The following RNF212B variants were observed in gnomAD, a reference collection of about 807,000 sequenced individuals.
RNF212B encodes E3 ubiquitin-protein ligase RNF212B.
In RNF212B, 52 loss-of-function variants were observed where a neutral mutation model predicts 55.5. The ratio of observed to expected loss-of-function variants is 0.94; its 90% CI spans 0.75 to 1.18. The LOEUF is 1.18. Among genes scored for constraint, RNF212B ranks in the 50% most tolerant of loss-of-function variants. RNF212B has a pLI of 0.00. For missense variants in RNF212B, 289 were observed against 350.4 expected (o/e 0.82, Z 1.40); for synonymous variants, 99 against 121.4 (o/e 0.82, Z 1.21).
At position 23,272,940 on chromosome 14, in the gene RNF212B, G is replaced by A; in HGVS notation, c.*49G>A. The A allele has an allele frequency of 8.8e-7, 1 of 1,141,364 alleles. No homozygotes were observed. The highest frequency in any genetic ancestry group is 1.2e-6 in the Non-Finnish European group (1 of 801,338). 70.7% of individuals were successfully genotyped at this position (1,141,364 alleles called of 1,614,324 possible). ...ACATGCTGCTGAAGGATGGACTGTA[G>A]CTTCCAGTACGCATTAGGGGTGATG... is the stretch of plus-strand genomic sequence containing the variant. On this transcript the variant is annotated 3_prime_UTR_variant, in exon 15 of 15. Transcript: ENST00000430154.
chr14:23,198,541 T>C (rs1222317334), intron 2 of RNF212B, among the ~76,000 whole-genome samples: 1 of 151,686 alleles, frequency 6.6e-6, no homozygotes, highest in African/African-American at 2.4e-5. Context: ...CTGGGCGTGG[T>C]GGCGGGTACC....
intron 4 of RNF212B, among the ~76,000 whole-genome samples, chr14:23,257,805 C>A (rs1884959265): frequency 6.6e-6 from 1 of 152,162 alleles, no homozygotes; most frequent in Non-Finnish European, 1.5e-5. Context: ...CCTCTCCACC[C>A]TTTCCTATAG....
rs1453914645 is a variant in RNF212B, at chr14:23,210,307, G to A, written c.-2+16906G>A. On this transcript the variant is annotated intron_variant, in intron 2 of 15. Transcript: ENST00000399910. Reference sequence around the variant, plus strand: ...AAACACAATGAAAGATTGAGAAACCGTCTCTGACCAGAGAATGCTAATGAG... The same window carrying A: ...AAACACAATGAAAGATTGAGAAACCATCTCTGACCAGAGAATGCTAATGAG... Among the ~76,000 whole-genome samples, 9 of 152,172 alleles carry A rather than the reference G, an allele frequency of 5.9e-5. No homozygotes were observed. The South Asian group carries it at 1.0e-3, about 18-fold the overall frequency.
intron 4 of RNF212B, among the ~76,000 whole-genome samples, chr14:23,257,266 C>T (rs1389005986): frequency 6.6e-6 from 1 of 152,178 alleles, no homozygotes; most frequent in Non-Finnish European, 1.5e-5. Flanking sequence ...ATCCTCCTGC[C>T]TCAGCCTTGG....
chr14:23,192,578 C>A (rs1184542968), intron 1 of RNF212B, among the ~76,000 whole-genome samples: 1 of 151,744 alleles, frequency 6.6e-6, no homozygotes, highest in Non-Finnish European at 1.5e-5. Context: ...GGAGATATAC[C>A]TAATGTGAAT....
intron 2 of RNF212B, among the ~76,000 whole-genome samples, chr14:23,207,050 C>G (rs980042935): frequency 3.9e-5 from 6 of 152,138 alleles, no homozygotes; most frequent in Non-Finnish European, 8.8e-5. Context: ...TGATTTTTAA[C>G]CATTGAGCTG....
At chr14:23,269,028 G>GCAGA in intron 12 of RNF212B, 65 bp downstream of exon 12, 1 of 1,377,524 alleles carries the variant, frequency 7.3e-7, no homozygotes, top group Non-Finnish European at 1.0e-6. Context: ...CAGCAGGCTG[G>GCAGA]GTGCGGTGGC....
chr14:23,266,404 G>GTTTTTTTTTTTTT (rs57731750), intron 11 of RNF212B, among the ~76,000 whole-genome samples: 3 of 46,872 alleles, frequency 6.4e-5, no homozygotes, highest in African/African-American at 1.3e-4. Flanking sequence ...CCTTTTAAAT[G>GTTTTTTTTTTTTT]TTTTTTTTTT....
Position 23,264,503 on chromosome 14 carries a change from A to G in RNF212B, c.586-120A>G, listed in dbSNP as rs567536587. 1.8e-4 allele frequency: 142 copies of G among 770,004 alleles called. No homozygotes were observed. In the African/African-American group the frequency reaches 2.2e-3, roughly 12 times the overall value. The allele number at this position is 770,004 out of a possible 1,614,324, so 47.7% of individuals were successfully genotyped here. The stretch of plus-strand genomic sequence containing the variant: ...GTAAAGTATGGATCTTTCTTTGACT[A>G]GTATGCCCACTGCAGTAGAACAATA... On this transcript the variant is annotated intron_variant, in intron 10 of 14. Coordinates refer to ENST00000430154, the MANE Select transcript of RNF212B (RefSeq NM_001282322.3).
intron 1 of RNF212B, among the ~76,000 whole-genome samples, chr14:23,192,854 G>A (rs987756175): frequency 2.0e-5 from 3 of 152,180 alleles, no homozygotes; most frequent in Middle Eastern, 3.4e-3. Flanking sequence ...CACTTTGGGA[G>A]GCCAAGGTGG....
At chr14:23,261,250 A>G in intron 7 of RNF212B, 2 of 261,448 alleles carry the variant, frequency 7.6e-6, no homozygotes, top group South Asian at 8.1e-5. Flanking sequence ...GGAACAGACT[A>G]TAACCTAATG....
intron 2 of RNF212B, among the ~76,000 whole-genome samples, chr14:23,241,806 G>A (rs998599340): frequency 4.0e-5 from 6 of 151,796 alleles, no homozygotes; most frequent in Non-Finnish European, 7.4e-5. Flanking sequence ...AAACCTGGCC[G>A]GGCGCAGTGG....
In RNF212B at chr14:23,231,758, G is replaced by A. The variant is rs888863221; in HGVS notation, c.-1-8587G>A. 2.0e-5 allele frequency among the ~76,000 whole-genome samples: 3 copies of A among 151,154 alleles called. No homozygotes were observed. In the East Asian group the frequency reaches 6.0e-4, roughly 30 times the overall value. On this transcript the variant is annotated intron_variant, in intron 2 of 15. Coordinates refer to the RNF212B transcript ENST00000399910. ...CTCCCTGCCTGATTCTCCTGCCTCA[G>A]CCTGCCCAGTGCCTGCGATTGCAGG...
chr14:23,206,061 C>A (rs920584331), intron 2 of RNF212B, among the ~76,000 whole-genome samples: 1 of 152,104 alleles, frequency 6.6e-6, no homozygotes, highest in Non-Finnish European at 1.5e-5. Context: ...ATTACATAAA[C>A]CTGAAAAAGC....
At chr14:23,253,861 A>C (rs1242387423) in intron 4 of RNF212B, among the ~76,000 whole-genome samples, 2 of 152,236 alleles carry the variant, frequency 1.3e-5, no homozygotes, top group Non-Finnish European at 2.9e-5. Flanking sequence ...TGTCAAAGAG[A>C]TCGTGAATTT....
chr14:23,232,871 A>G (rs1882810526), intron 2 of RNF212B, among the ~76,000 whole-genome samples: 2 of 111,202 alleles, frequency 1.8e-5, no homozygotes, highest in Admixed American at 8.7e-5. Flanking sequence ...GGAAGTGAGG[A>G]GCCCCTCTGC....
intron 2 of RNF212B, among the ~76,000 whole-genome samples, chr14:23,228,099 A>G (rs1334064782): frequency 4.6e-5 from 7 of 151,832 alleles, no homozygotes; most frequent in East Asian, 2.0e-4. Context: ...GCGTGGTGGC[A>G]CATGCCTGTA....
intron 2 of RNF212B, among the ~76,000 whole-genome samples, chr14:23,197,412 A>C (rs1878825577): frequency 6.6e-6 from 1 of 152,200 alleles, no homozygotes; most frequent in African/African-American, 2.4e-5. Flanking sequence ...CTGTAGTCCC[A>C]GCTACTTGGG....
At chr14:23,233,867 T>C (rs1285508439), upstream of RNF212B, among the ~76,000 whole-genome samples, 2 of 151,558 alleles carry the variant, frequency 1.3e-5, no homozygotes, top group South Asian at 2.1e-4. Flanking sequence ...GAAGCCAAGG[T>C]GGGCGGATCA....
Sources: allele counts gnomAD v4.1 joint callset (sites outside exome capture counted in the v4.1 genomes callset), GRCh38; gene constraint gnomAD v4.1.1; transcripts MANE v1.5; gene names NCBI Gene and HGNC (gene_info 2026-07-23, HGNC 2026-07-21).